Variants in RABL2B observed in about 807,000 individuals in gnomAD.
RABL2B encodes the protein rab-like protein 2B.
In RABL2B, 17 loss-of-function variants were observed where a neutral mutation model predicts 26.7. The observed-to-expected ratio is 0.64, with a 90% CI of 0.44 to 0.95. The LOEUF is 0.95. Among genes scored for constraint, RABL2B ranks in the 40% least tolerant of loss-of-function variants. The pLI, the probability that RABL2B is intolerant of heterozygous loss-of-function variation, is 0.00. For synonymous variants in RABL2B, 70 were observed against 103.9 expected (o/e 0.67, Z 1.99); for missense variants, 170 against 277.2 (o/e 0.61, Z 2.75).
chr22:50,770,901 A>AT (rs1280905813), intron 5 of RABL2B, among the ~76,000 whole-genome samples: 1 of 135,656 alleles, frequency 7.4e-6, no homozygotes, highest in Non-Finnish European at 1.5e-5. Flanking sequence ...ATTAATTTTT[A>AT]TTTTTTTATT....
At chr22:50,770,916 T>TA (rs2084057730) in intron 5 of RABL2B, among the ~76,000 whole-genome samples, 1 of 145,204 alleles carries the variant, frequency 6.9e-6, no homozygotes, top group Non-Finnish European at 1.5e-5. Context: ...TTTATTTTTT[T>TA]TTTTTTGTAG....
rs374767557 is a variant in RABL2B, at chr22:50,777,978, G to A, written c.111C>T (p.Leu37=). The A allele has an allele frequency of 1.9e-6, 3 of 1,613,970 alleles. No individual in the cohort carries two copies. Among genetic ancestry groups the A allele is most frequent in the Non-Finnish European group, 2.5e-6 (3 of 1,180,020 alleles). ...LGDSAVGKSK[L]MERFLMDGFQ... Reference sequence around the variant, plus strand: ...AGCCATCCATGAGAAATCTCTCCATGAGTCTGTAAGCAGAACAGGCAAGGT... The same window carrying A: ...AGCCATCCATGAGAAATCTCTCCATAAGTCTGTAAGCAGAACAGGCAAGGT... Residue 37 remains leucine, a synonymous_variant, in exon 3 of 9, where the codon CTC becomes CTT. Transcript: ENST00000691320.
chr22:50,772,964 T>C (rs3888396), intron 5 of RABL2B: 177,715 of 1,284,640 alleles, frequency 0.14, 13,572 homozygotes, highest in East Asian at 0.3. Context: ...GGCAAGTGCT[T>C]TCTACTCGCC....
intron 2 of RABL2B, among the ~76,000 whole-genome samples, chr22:50,781,005 T>C (rs1325694182): frequency 3.3e-5 from 5 of 152,128 alleles, no homozygotes; most frequent in Admixed American, 6.5e-5. Context: ...TCACTTTTAC[T>C]GTACAGGCGT....
Position 50,775,790 on chromosome 22 carries a change from C to A in RABL2B, c.279G>T (p.Lys93Asn). 2 of 1,614,204 alleles carry A rather than the reference C, an allele frequency of 1.2e-6. No individual in the cohort carries two copies. Among genetic ancestry groups the A allele is most frequent in the Non-Finnish European group, 1.7e-6 (2 of 1,180,036 alleles). ...FQSMHASYYH[K>N]AHACIMVFDV... The stretch of plus-strand genomic sequence containing the variant: ...CTCGTACCATGATGCAGGCGTGGGC[C>A]TTGTGGTAGTAGGAGGCATGCATGC... Residue 93 changes from lysine (K) to asparagine (N), a missense_variant, in exon 5 of 9, where the codon AAG becomes AAT. Lys to Asn is a moderately conservative substitution (Grantham distance 94). Around this residue, in one of 2 missense-constraint regions of RABL2B, gnomAD observed 165 missense variants for 232.0 expected, o/e 0.71. Coordinates refer to ENST00000691320, the MANE Select transcript of RABL2B (RefSeq NM_001130919.3).
Position 50,768,780 on chromosome 22 carries a change from C to CTG in RABL2B, c.684_685dup (p.Ser229ThrfsTer57), listed in dbSNP as rs2083709884. Reference sequence around the variant, plus strand: ...CCCACCCCTAGCCCCAGCCCCTCAGCTGTGGGGAGAGGCCGCCTCCTCTGA... The same window carrying CTG: ...CCCACCCCTAGCCCCAGCCCCTCAGCTGTGTGGGGAGAGGCCGCCTCCTCTGA... On this transcript the variant is annotated frameshift_variant, in exon 9 of 9. Coordinates refer to ENST00000691320, the MANE Select transcript of RABL2B (RefSeq NM_001130919.3). LOFTEE classifies it high-confidence loss of function. 6.2e-7 allele frequency: 1 copy of CTG among 1,613,790 alleles called. No homozygotes were observed. The highest frequency in any genetic ancestry group is 1.3e-5 in the African/African-American group (1 of 74,882).
Position 50,768,652 on chromosome 22 carries a change from A to C in RABL2B, c.*124T>G. On this transcript the variant is annotated 3_prime_UTR_variant, in exon 9 of 9. Coordinates refer to ENST00000691320, the MANE Select transcript of RABL2B (RefSeq NM_001130919.3). ...CGGGCCTAGAATGTGGGAGGCTAAT[A>C]GGATGGGTGGGTTGCAGGAGGTAGA... The C allele has an allele frequency of 6.7e-7, 1 of 1,487,948 alleles. No homozygotes were observed. Among genetic ancestry groups the C allele is most frequent in the Non-Finnish European group, 9.0e-7 (1 of 1,114,758 alleles). 92.2% of individuals were successfully genotyped at this position (1,487,948 alleles called of 1,614,324 possible).
At chr22:50,773,742 C>T (rs1467284025) in intron 5 of RABL2B, among the ~76,000 whole-genome samples, 8 of 151,180 alleles carry the variant, frequency 5.3e-5, no homozygotes, top group African/African-American at 1.7e-4. Context: ...CTTCTGCATC[C>T]CCTCTGCTAT....
chr22:50,780,856 C>A, intron 2 of RABL2B: 1 of 384,674 alleles, frequency 2.6e-6, no homozygotes, highest in Non-Finnish European at 5.4e-6. Context: ...ATACATTCTC[C>A]GAAAGTTCTG....
chr22:50,769,208 A>G lies in RABL2B; in HGVS notation c.508-84T>C, dbSNP rs563680639. On this transcript the variant is annotated intron_variant, in intron 7 of 8. Transcript: ENST00000691320. ...ACTGGCCCCACTGTGAGACTACACAATACTCCATTCCTAAAATCAGCAACC... is the reference window on the plus strand; with the variant it reads ...ACTGGCCCCACTGTGAGACTACACAGTACTCCATTCCTAAAATCAGCAACC... 8.2e-4 allele frequency: 499 copies of G among 609,562 alleles called. No homozygotes were observed. The East Asian group carries it at 0.013, about 16-fold the overall frequency. 37.8% of individuals were successfully genotyped at this position (609,562 alleles called of 1,614,324 possible). A position where few individuals can be genotyped will look rare whatever the true frequency, so the allele number is the denominator to read the frequency against.
chr22:50,771,578 ATTTACT>A (rs1209542528), intron 5 of RABL2B: 1 of 150,306 alleles, frequency 6.7e-6, no homozygotes, highest in African/African-American at 2.5e-5. Flanking sequence ...CACCTGGCTG[ATTTACT>A]TTTAAGCTTC....
chr22:50,774,991 C>A (rs1227897903), intron 5 of RABL2B, among the ~76,000 whole-genome samples: 1 of 152,192 alleles, frequency 6.6e-6, no homozygotes, highest in African/African-American at 2.4e-5. Flanking sequence ...GTTGGCCAGG[C>A]TGGTCTCAAA....
intron 6 of RABL2B, 121 bp from the exon 7 acceptor site, chr22:50,769,673 G>A (rs1054698): frequency 6.2e-5 from 95 of 1,530,266 alleles, no homozygotes; most frequent in Non-Finnish European, 8.5e-5. Context: ...TTGGGAAACA[G>A]GTCCTAGAAA....
chr22:50,782,046 T>C (rs1326224444), intron 2 of RABL2B, 142 bp downstream of exon 2: 141 of 1,533,812 alleles, frequency 9.2e-5, no homozygotes, highest in Non-Finnish European at 1.2e-4. Context: ...ATTCCCCTCG[T>C]TCCCCCATGA....
chr22:50,768,247 C>G lies in RABL2B; in HGVS notation c.*529G>C, dbSNP rs2083660697. 1 of 208,774 alleles carries G rather than the reference C, an allele frequency of 4.8e-6. No individual in the cohort carries two copies. Among genetic ancestry groups the G allele is most frequent in the African/African-American group, 2.4e-5 (1 of 41,670 alleles). 12.9% of individuals were successfully genotyped at this position (208,774 alleles called of 1,614,324 possible). The stretch of plus-strand genomic sequence containing the variant: ...GAGCGAGACTCCGTCTCAGAACGAA[C>G]AAAGAAACAAACAAACCAGATGACT... On this transcript the variant is annotated 3_prime_UTR_variant, in exon 9 of 9. Transcript: ENST00000691320.
chr22:50,769,378 G>C, intron 7 of RABL2B, 77 bp downstream of exon 7: 1 of 1,611,820 alleles, frequency 6.2e-7, no homozygotes, highest in Non-Finnish European at 8.5e-7. Flanking sequence ...CACACCTGCA[G>C]TAAGCCCTTC....
intron 3 of RABL2B, 75 bp downstream of exon 3, chr22:50,777,877 T>C: frequency 6.2e-7 from 1 of 1,609,258 alleles, no homozygotes; most frequent in Non-Finnish European, 8.5e-7. Context: ...TACAAAGGTG[T>C]GGGCAGTGGG....
chr22:50,769,430 T>C, intron 7 of RABL2B, 25 bp downstream of exon 7: 2 of 1,611,218 alleles, frequency 1.2e-6, no homozygotes, highest in Non-Finnish European at 1.7e-6. Context: ...CTGACCTTGC[T>C]AGCTACCTCT....
chr22:50,769,569 G>A lies in RABL2B; in HGVS notation c.410-17C>T. 1 of 1,609,862 alleles carries A rather than the reference G, an allele frequency of 6.2e-7. No homozygotes were observed. Among genetic ancestry groups the A allele is most frequent in the Non-Finnish European group, 8.5e-7 (1 of 1,179,572 alleles). On this transcript the variant is annotated splice_polypyrimidine_tract_variant and intron_variant, in intron 6 of 8. Transcript: ENST00000691320. The stretch of plus-strand genomic sequence containing the variant: ...TTATGTCTGCTGTAGAGAGAAGGTA[G>A]GACATTGGTCTGTCTGTCAAGGGAA...
Sources: gnomAD v4.1 joint callset for allele counts (sites outside exome capture counted in the v4.1 genomes callset) on GRCh38, gnomAD v4.1.1 for gene constraint, gnomAD v4.1.1 regional missense constraint, MANE v1.5 for transcripts, NCBI Gene and HGNC (gene_info 2026-07-23, HGNC 2026-07-21) for gene names.